Variants in KDF1 observed in about 807,000 individuals in gnomAD.
The protein encoded by KDF1 is keratinocyte differentiation factor 1.
Under a neutral mutation model 31.6 loss-of-function variants are expected in KDF1, and 11 were observed. The observed-to-expected ratio is 0.35, with a 90% CI of 0.22 to 0.58. The LOEUF is 0.58. Among genes scored for constraint, KDF1 ranks in the 20% least tolerant of loss-of-function variants. The pLI, the probability that KDF1 is intolerant of heterozygous loss-of-function variation, is 0.83. For synonymous variants in KDF1, 205 were observed against 214.4 expected (o/e 0.96, Z 0.38); for missense variants, 476 against 549.1 (o/e 0.87, Z 1.33).
chr1:26,960,026 C>T lies in KDF1; in HGVS notation c.-33+324G>A, dbSNP rs2082394142. Among the ~76,000 whole-genome samples the T allele has an allele frequency of 6.6e-6, 1 of 152,186 alleles. No homozygotes were observed. The highest frequency in any genetic ancestry group is 1.5e-5 in the Non-Finnish European group (1 of 68,014). On this transcript the variant is annotated intron_variant, in intron 1 of 3. Coordinates refer to ENST00000320567, the MANE Select transcript of KDF1 (RefSeq NM_152365.3). The surrounding 1 kb of genome is among the most constrained non-coding windows in gnomAD (Gnocchi z 4.9). ...GCAAGGGCCCTACCCCGCGGGCGGA[C>T]CCAGCCTCCCTCCCGTCCCGACGCT...
intron 1 of KDF1, among the ~76,000 whole-genome samples, chr1:26,957,854 C>T (rs1006202346): frequency 3.3e-5 from 5 of 152,126 alleles, no homozygotes; most frequent in African/African-American, 1.2e-4. Context: ...CTTACTCTGT[C>T]ACCAACGCTG....
In KDF1 at chr1:26,952,230, C is replaced by G; in HGVS notation, c.151G>C (p.Gly51Arg). ...RTRRPDPKDPGHHGPESITFI... is the reference protein window; with the variant it reads ...RTRRPDPKDPRHHGPESITFI... ...GTAATGCTCTCTGGCCCATGGTGGCCAGGGTCCTTGGGGTCTGGTCTACGG... is the reference window on the plus strand; with the variant it reads ...GTAATGCTCTCTGGCCCATGGTGGCGAGGGTCCTTGGGGTCTGGTCTACGG... Residue 51 changes from glycine (G) to arginine (R), a missense_variant, in exon 2 of 4, where the codon GGC becomes CGC. Physicochemically the swap from Gly to Arg is moderately radical, Grantham distance 125. Around this residue, in one of 2 missense-constraint regions of KDF1, gnomAD observed 330 missense variants for 332.3 expected, o/e 0.99. Coordinates refer to ENST00000320567, the MANE Select transcript of KDF1 (RefSeq NM_152365.3). This position sits in a 1 kb window ranked among gnomAD's most constrained non-coding sequence, Gnocchi z 4.1. 1.2e-6 allele frequency: 2 copies of G among 1,606,762 alleles called. No homozygotes were observed. Among genetic ancestry groups the G allele is most frequent in the Non-Finnish European group, 1.7e-6 (2 of 1,175,286 alleles).
chr1:26,956,593 T>G (rs1366724319), intron 1 of KDF1, among the ~76,000 whole-genome samples: 2 of 152,146 alleles, frequency 1.3e-5, no homozygotes, highest in Non-Finnish European at 2.9e-5. Context: ...TTGAGAAACA[T>G]GACAACTAAA....
At position 26,952,451 on chromosome 1, in the gene KDF1, G is replaced by A. The variant is rs2082357169; in HGVS notation, c.-32-39C>T. 7 of 1,389,328 alleles carry A rather than the reference G, an allele frequency of 5.0e-6. No homozygotes were observed. The South Asian group carries it at 8.7e-5, about 17-fold the overall frequency. The allele number at this position is 1,389,328 out of a possible 1,614,324, so 86.1% of individuals were successfully genotyped here. A position where few individuals can be genotyped will look rare whatever the true frequency, so the allele number is the denominator to read the frequency against. ...GGCCAGGAAGGAGTCAGGATCAGAGGTGAGGGACAAACTCCTGGGCTGACT... is the reference window on the plus strand; with the variant it reads ...GGCCAGGAAGGAGTCAGGATCAGAGATGAGGGACAAACTCCTGGGCTGACT... On this transcript the variant is annotated intron_variant, in intron 1 of 3. Coordinates refer to ENST00000320567, the MANE Select transcript of KDF1 (RefSeq NM_152365.3). This position sits in a 1 kb window ranked among gnomAD's most constrained non-coding sequence, Gnocchi z 4.1.
chr1:26,952,780 A>G lies in KDF1; in HGVS notation c.-32-368T>C, dbSNP rs1439590416. ...CAGATCACCTGAGGTCAGGAGTTCG[A>G]GACCAACCTGACTAACATGGTGAAA... On this transcript the variant is annotated intron_variant, in intron 1 of 3. Coordinates refer to ENST00000320567, the MANE Select transcript of KDF1 (RefSeq NM_152365.3). The surrounding 1 kb of genome is among the most constrained non-coding windows in gnomAD (Gnocchi z 4.1). Among the ~76,000 whole-genome samples the G allele has an allele frequency of 5.3e-5, 8 of 152,186 alleles. No homozygotes were observed. The highest frequency in any genetic ancestry group is 5.2e-4 in the Admixed American group (8 of 15,268).
rs2082396136 is a variant in KDF1, at chr1:26,960,451, GC to G, written c.-135del. 6.6e-6 allele frequency: 1 copy of G among 152,146 alleles called. No individual in the cohort carries two copies. The highest frequency in any genetic ancestry group is 2.4e-5 in the African/African-American group (1 of 41,422). 9.4% of individuals were successfully genotyped at this position (152,146 alleles called of 1,614,324 possible). Reference sequence around the variant, plus strand: ...GTCTCGCGGGAGCGCTGCACGGGCCGCCGCTAGGGACACACTTCCTGCCTCC... The same window carrying G: ...GTCTCGCGGGAGCGCTGCACGGGCCGCGCTAGGGACACACTTCCTGCCTCC... On this transcript the variant is annotated 5_prime_UTR_variant, in exon 1 of 4. Transcript: ENST00000320567. This position sits in a 1 kb window ranked among gnomAD's most constrained non-coding sequence, Gnocchi z 4.9.
chr1:26,956,610 G>A (rs1301651743), intron 1 of KDF1, among the ~76,000 whole-genome samples: 1 of 152,212 alleles, frequency 6.6e-6, no homozygotes, highest in African/African-American at 2.4e-5. Flanking sequence ...TAAATGCAGT[G>A]TGATCCTAGA....
At position 26,954,835 on chromosome 1, in the gene KDF1, C is replaced by CAA. The variant is rs111644194; in HGVS notation, c.-32-2425_-32-2424dup. 4.1e-4 allele frequency among the ~76,000 whole-genome samples: 27 copies of CAA among 66,314 alleles called. No homozygotes were observed. The East Asian group carries it at 4.8e-3, about 12-fold the overall frequency. The allele number at this position is 66,314 out of a possible 152,430, so 43.5% of individuals were successfully genotyped here. The stretch of plus-strand genomic sequence containing the variant: ...GTGACAGAGTGGCAAGACTCTGTCT[C>CAA]AAAAAAAAAAAAAAAGTTAATAAGT... On this transcript the variant is annotated intron_variant, in intron 1 of 3. Coordinates refer to ENST00000320567, the MANE Select transcript of KDF1 (RefSeq NM_152365.3).
At position 26,950,662 on chromosome 1, in the gene KDF1, T is replaced by C; in HGVS notation, c.1114+20A>G. 1.1e-5 allele frequency: 15 copies of C among 1,306,074 alleles called. No individual in the cohort carries two copies. Among genetic ancestry groups the C allele is most frequent in the Non-Finnish European group, 1.5e-5 (14 of 912,566 alleles). 80.9% of individuals were successfully genotyped at this position (1,306,074 alleles called of 1,614,324 possible). ...GGTAGTCCCCCACCCTCCACACCCC[T>C]CATTAGGTCAAGACCACACCTGGAG... On this transcript the variant is annotated intron_variant, in intron 3 of 3. Coordinates refer to ENST00000320567, the MANE Select transcript of KDF1 (RefSeq NM_152365.3). This position sits in a 1 kb window ranked among gnomAD's most constrained non-coding sequence, Gnocchi z 4.0.
Position 26,951,974 on chromosome 1 carries a change from G to A in KDF1, c.407C>T (p.Pro136Leu), listed in dbSNP as rs939725374. 1 of 1,609,686 alleles carries A rather than the reference G, an allele frequency of 6.2e-7. No homozygotes were observed. The highest frequency in any genetic ancestry group is 8.5e-7 in the Non-Finnish European group (1 of 1,176,952). The change falls in exon 2 of 4, where the codon CCC (proline) becomes CTC (leucine). Residue 136 changes from proline (P) to leucine (L), a missense_variant. By Grantham distance (98) the Pro-to-Leu change is moderately conservative. Transcript: ENST00000320567. This position sits in a 1 kb window ranked among gnomAD's most constrained non-coding sequence, Gnocchi z 5.4. ...NWAKEHNGVP[P>L]SPDRAPPSRR... ...GCTGGGGGGTGCACGATCAGGGCTG[G>A]GGGGCACTCCATTGTGCTCCTTGGC...
At position 26,949,993 on chromosome 1, in the gene KDF1, G is replaced by T; in HGVS notation, c.*76C>A. On this transcript the variant is annotated 3_prime_UTR_variant, in exon 4 of 4. Coordinates refer to ENST00000320567, the MANE Select transcript of KDF1 (RefSeq NM_152365.3). ...CTTCAGGTCTAAGCCTCTCCCACAG[G>T]GGTTCCTGGTCCCCCTCTTCATTCT... 6.8e-7 allele frequency: 1 copy of T among 1,467,352 alleles called. No homozygotes were observed. 90.9% of individuals were successfully genotyped at this position (1,467,352 alleles called of 1,614,324 possible).
chr1:26,955,819 G>A (rs766640799), intron 1 of KDF1, among the ~76,000 whole-genome samples: 3 of 151,030 alleles, frequency 2.0e-5, no homozygotes, highest in African/African-American at 7.4e-5. Flanking sequence ...GCTGGGCGTG[G>A]TGGAGCGTGC....
Position 26,952,317 on chromosome 1 carries a change from G to T in KDF1, c.64C>A (p.Pro22Thr). The T allele has an allele frequency of 6.5e-7, 1 of 1,531,176 alleles. No individual in the cohort carries two copies. Among genetic ancestry groups the T allele is most frequent in the African/African-American group, 1.4e-5 (1 of 72,612 alleles). 94.8% of individuals were successfully genotyped at this position (1,531,176 alleles called of 1,614,324 possible). A position where few individuals can be genotyped will look rare whatever the true frequency, so the allele number is the denominator to read the frequency against. ...GPPRLGPWER[P>T]TELCLETYDK... ...TATGTCTCCAGACATAGCTCTGTTG[G>T]CCGCTCCCACGGTCCCAAGCGTGGA... The change falls in exon 2 of 4, where the codon CCA becomes ACA. Residue 22 changes from proline (P) to threonine (T), a missense_variant. Pro to Thr is a conservative substitution (Grantham distance 38). Transcript: ENST00000320567. The surrounding 1 kb of genome is among the most constrained non-coding windows in gnomAD (Gnocchi z 4.1).
At position 26,952,094 on chromosome 1, in the gene KDF1, C is replaced by T. The variant is rs762549436; in HGVS notation, c.287G>A (p.Arg96Gln). The T allele has an allele frequency of 1.7e-5, 27 of 1,613,134 alleles. No homozygotes were observed. The South Asian group carries it at 1.8e-4, about 10-fold the overall frequency. ...CRAAFCFRRC[R>Q]DCLQRCGACV... ...GGCTCCACAGCGCTGGAGGCAATCC[C>T]GGCAGCGGCGGAAGCAGAAGGCAGC... The change falls in exon 2 of 4, where the codon CGG (arginine) becomes CAG (glutamine). Residue 96 changes from arginine (R) to glutamine (Q), a missense_variant. Physicochemically the swap from Arg to Gln is conservative, Grantham distance 43 (BLOSUM62 1). This residue lies in a region of KDF1 where 330 missense variants were observed against 332.3 expected (regional missense o/e 0.99). Transcript: ENST00000320567. The surrounding 1 kb of genome is among the most constrained non-coding windows in gnomAD (Gnocchi z 4.1).
rs1250078745 is a variant in KDF1 at position 26,950,170 on chromosome 1, G to A, written c.1115-19C>T. The A allele has an allele frequency of 6.2e-7, 1 of 1,606,078 alleles. No homozygotes were observed. The highest frequency in any genetic ancestry group is 8.5e-7 in the Non-Finnish European group (1 of 1,172,966). On this transcript the variant is annotated intron_variant, in intron 3 of 3. Transcript: ENST00000320567. This position sits in a 1 kb window ranked among gnomAD's most constrained non-coding sequence, Gnocchi z 4.0. The stretch of plus-strand genomic sequence containing the variant: ...GGGTACCCTGGTAGGAAGGAGAGGA[G>A]AGGAGGAAACAGGCTCAGGGGAAGG...
chr1:26,954,570 T>C (rs2082368002), intron 1 of KDF1, among the ~76,000 whole-genome samples: 1 of 151,306 alleles, frequency 6.6e-6, no homozygotes, highest in Non-Finnish European at 1.5e-5. Context: ...CAGTGGCTAA[T>C]GCCTGTAATC....
intron 1 of KDF1, among the ~76,000 whole-genome samples, chr1:26,959,146 T>G (rs1172156301): frequency 6.6e-6 from 1 of 152,216 alleles, no homozygotes; most frequent in Non-Finnish European, 1.5e-5. Flanking sequence ...AGATTTGCAC[T>G]GTGGCCCGCC....
At chr1:26,959,855 T>C (rs2082393374) in intron 1 of KDF1, among the ~76,000 whole-genome samples, 1 of 152,142 alleles carries the variant, frequency 6.6e-6, no homozygotes, top group Admixed American at 6.5e-5. Context: ...CTCGGCCTCC[T>C]GCCCCAAAGG....
chr1:26,954,570 TG>T (rs2082368009), intron 1 of KDF1, among the ~76,000 whole-genome samples: 1 of 151,306 alleles, frequency 6.6e-6, no homozygotes, highest in Non-Finnish European at 1.5e-5. Flanking sequence ...CAGTGGCTAA[TG>T]CCTGTAATCC....
Sources: gnomAD v4.1 joint callset for allele counts (sites outside exome capture counted in the v4.1 genomes callset) on GRCh38, gnomAD v4.1.1 for gene constraint, gnomAD v4.1.1 regional missense constraint, Gnocchi (gnomAD v3.1) non-coding constraint, MANE v1.5 for transcripts, NCBI Gene and HGNC (gene_info 2026-07-23, HGNC 2026-07-21) for gene names.